Variants in TCF4 observed in about 807,000 individuals in gnomAD.
TCF4 encodes SL3-3 enhancer factor 2.
In TCF4, 3 loss-of-function variants were observed where a neutral mutation model predicts 82.1. The observed-to-expected ratio is 0.04, with a 90% CI of 0.02 to 0.09. TCF4 has a LOEUF of 0.09. TCF4 is among the 10% of genes least tolerant of loss of function. TCF4 has a pLI of 1.00. For missense variants in TCF4, 518 were observed against 852.7 expected (o/e 0.61, Z 4.89); for synonymous variants, 276 against 309.6 (o/e 0.89, Z 1.14).
chr18:55,624,150 GTGTT>G (rs2097724275), intron 2 of TCF4, among the ~76,000 whole-genome samples: 1 of 151,960 alleles, frequency 6.6e-6, no homozygotes, highest in Admixed American at 6.6e-5. Flanking sequence ...TTTTATTTTT[GTGTT>G]TGTTAATGGT....
intron 3 of TCF4, among the ~76,000 whole-genome samples, chr18:55,538,605 A>G (rs1013071715): frequency 3.3e-5 from 5 of 152,216 alleles, no homozygotes; most frequent in African/African-American, 1.2e-4. Context: ...GAGGTTTCCC[A>G]GGATACTGGA....
At chr18:55,461,681 G>A (rs1409110123) in intron 4 of TCF4, among the ~76,000 whole-genome samples, 1 of 152,094 alleles carries the variant, frequency 6.6e-6, no homozygotes, top group Non-Finnish European at 1.5e-5. Context: ...AAGAATATTA[G>A]GGTTTAACTA....
chr18:55,619,805 G>C (rs926882701), intron 2 of TCF4, among the ~76,000 whole-genome samples: 4 of 152,088 alleles, frequency 2.6e-5, no homozygotes, highest in African/African-American at 9.7e-5. Flanking sequence ...CTGGGTGCTG[G>C]ATGTTTTTGT....
chr18:55,366,842 T>C (rs1346916759), intron 6 of TCF4, among the ~76,000 whole-genome samples: 1 of 152,238 alleles, frequency 6.6e-6, no homozygotes, highest in African/African-American at 2.4e-5. Context: ...TGGTCATTTT[T>C]TGATTTACTG....
chr18:55,607,558 T>C (rs1253594015), intron 2 of TCF4, among the ~76,000 whole-genome samples: 1 of 152,182 alleles, frequency 6.6e-6, no homozygotes, highest in Admixed American at 6.5e-5. Flanking sequence ...CCTAAGGGAC[T>C]AAACAAAGAT....
At position 55,448,235 on chromosome 18, in the gene TCF4, G is replaced by A. The variant is rs116584552; in HGVS notation, c.304+12784C>T. Among the ~76,000 whole-genome samples, 1,324 of 152,256 alleles carry A rather than the reference G, an allele frequency of 8.7e-3. 21 individuals are homozygous for A. Among genetic ancestry groups the A allele is most frequent in the African/African-American group, 0.03 (1,238 of 41,534 alleles). On this transcript the variant is annotated intron_variant, in intron 5 of 19. Coordinates refer to ENST00000354452, the MANE Select transcript of TCF4 (RefSeq NM_001083962.2). ...TCCTTTCATCATAAAGGTTTTTCAC[G>A]TGTAGTGGGAGCACTTTATTTTTCT... is the stretch of plus-strand genomic sequence containing the variant.
chr18:55,275,007 G>A (rs376812366), intron 10 of TCF4, among the ~76,000 whole-genome samples: 4 of 152,242 alleles, frequency 2.6e-5, no homozygotes, highest in African/African-American at 9.6e-5. Context: ...TTCACCTGGA[G>A]TGACGCAAAA....
At chr18:55,322,102 TTC>T (rs1491087509) in intron 8 of TCF4, 76 of 1,059,720 alleles carry the variant, frequency 7.2e-5, no homozygotes, top group East Asian at 1.0e-4. Context: ...CTTTTTTTTT[TTC>T]CTTTTTTTTT....
chr18:55,439,198 G>A (rs1440903481), intron 5 of TCF4, among the ~76,000 whole-genome samples: 1 of 152,128 alleles, frequency 6.6e-6, no homozygotes, highest in East Asian at 1.9e-4. Flanking sequence ...AAATTCCTTC[G>A]TGGCCACTGG....
intron 5 of TCF4, among the ~76,000 whole-genome samples, chr18:55,409,697 A>T (rs2094259892): frequency 6.6e-6 from 1 of 152,198 alleles, no homozygotes; most frequent in South Asian, 2.1e-4. Context: ...TAGGTTCAAA[A>T]ATTAAATTTT....
intron 8 of TCF4, among the ~76,000 whole-genome samples, chr18:55,341,382 G>A (rs776230160): frequency 6.0e-4 from 91 of 152,194 alleles, no homozygotes; most frequent in Non-Finnish European, 1.2e-3. Context: ...TGCAAATGAT[G>A]TAATAGTGTA....
intron 5 of TCF4, among the ~76,000 whole-genome samples, chr18:55,434,751 C>G (rs1243085938): frequency 9.5e-6 from 1 of 105,366 alleles, no homozygotes; most frequent in Non-Finnish European, 2.1e-5. Context: ...TTCTGATCAC[C>G]TCTCAAGTAT....
chr18:55,537,803 G>C (rs901210302), intron 3 of TCF4, among the ~76,000 whole-genome samples: 11 of 152,026 alleles, frequency 7.2e-5, no homozygotes, highest in Non-Finnish European at 1.6e-4. Flanking sequence ...TCATTCAAAG[G>C]GACAGGCTAT....
At chr18:55,448,604 C>T (rs2095566445) in intron 5 of TCF4, among the ~76,000 whole-genome samples, 2 of 152,160 alleles carry the variant, frequency 1.3e-5, no homozygotes, top group African/African-American at 4.8e-5. Flanking sequence ...ACACAGGTGA[C>T]TTAGGGGAGG....
At chr18:55,552,519 A>T (rs530953525) in intron 3 of TCF4, among the ~76,000 whole-genome samples, 2 of 152,324 alleles carry the variant, frequency 1.3e-5, no homozygotes, top group South Asian at 4.1e-4. Flanking sequence ...CTTAAGCAAC[A>T]CCACCTTAAA....
At chr18:55,558,277 T>C (rs2097323122) in intron 3 of TCF4, among the ~76,000 whole-genome samples, 1 of 152,164 alleles carries the variant, frequency 6.6e-6, no homozygotes, top group African/African-American at 2.4e-5. Flanking sequence ...AACCAAAATG[T>C]AGAGGTTCCA....
Position 55,376,186 on chromosome 18 carries a change from T to G in TCF4, c.370-25183A>C, listed in dbSNP as rs2090696302. Among the ~76,000 whole-genome samples, 3 of 151,876 alleles carry G rather than the reference T, an allele frequency of 2.0e-5. No individual in the cohort carries two copies. The South Asian group carries it at 6.2e-4, about 32-fold the overall frequency. Reference sequence around the variant, plus strand: ...ACAGGCATGCATCACCACACCAGGGTTTTGTCTTTTTCTATTTTTATTAGA... The same window carrying G: ...ACAGGCATGCATCACCACACCAGGGGTTTGTCTTTTTCTATTTTTATTAGA... On this transcript the variant is annotated intron_variant, in intron 6 of 19. Coordinates refer to ENST00000354452, the MANE Select transcript of TCF4 (RefSeq NM_001083962.2).
intron 3 of TCF4, among the ~76,000 whole-genome samples, chr18:55,534,741 G>A (rs2123389): frequency 0.67 from 102,423 of 152,090 alleles, 34,853 homozygotes; most frequent in East Asian, 0.93. Flanking sequence ...CTACCACATC[G>A]GTAGCTTTTA....
intron 2 of TCF4, among the ~76,000 whole-genome samples, chr18:55,601,666 C>G (rs1046210401): frequency 6.6e-6 from 1 of 152,104 alleles, no homozygotes; most frequent in African/African-American, 2.4e-5. Context: ...CACCTGTAAT[C>G]CCAACTACTT....
Sources: gnomAD v4.1 joint callset for allele counts (sites outside exome capture counted in the v4.1 genomes callset) on GRCh38, gnomAD v4.1.1 for gene constraint, MANE v1.5 for transcripts, NCBI Gene and HGNC (gene_info 2026-07-23, HGNC 2026-07-21) for gene names.